Variants in ARHGAP15 observed in about 807,000 individuals in gnomAD.
ARHGAP15 encodes rho GTPase-activating protein 15.
ARHGAP15 carries 51 observed loss-of-function variants against 63.7 expected under a neutral mutation model. The ratio of observed to expected loss-of-function variants is 0.80; its 90% CI spans 0.64 to 1.01. ARHGAP15 has a LOEUF of 1.01. ARHGAP15 is among the 50% of genes least tolerant of loss of function. ARHGAP15 has a pLI of 0.00. For missense variants in ARHGAP15, 560 were observed against 564.6 expected (o/e 0.99, Z 0.08); for synonymous variants, 191 against 193.8 (o/e 0.99, Z 0.12).
At chr2:143,277,925 T>A (rs1681642095) in intron 6 of ARHGAP15, among the ~76,000 whole-genome samples, 1 of 152,206 alleles carries the variant, frequency 6.6e-6, no homozygotes, top group Admixed American at 6.5e-5. Context: ...GGGTTCATTA[T>A]CTGAATATTT....
chr2:143,205,270 A>T (rs572903697), intron 3 of ARHGAP15, among the ~76,000 whole-genome samples: 2 of 151,628 alleles, frequency 1.3e-5, no homozygotes, highest in South Asian at 4.2e-4. Flanking sequence ...AAAAAAAAAA[A>T]AAGAAACAGA....
At chr2:143,664,604 C>T (rs1162566196) in intron 12 of ARHGAP15, among the ~76,000 whole-genome samples, 6 of 151,004 alleles carry the variant, frequency 4.0e-5, no homozygotes, top group African/African-American at 1.5e-4. Flanking sequence ...ACAAAAAACC[C>T]TTCAAAAAAT....
chr2:143,466,904 A>T (rs1691241033), intron 8 of ARHGAP15, among the ~76,000 whole-genome samples: 1 of 152,134 alleles, frequency 6.6e-6, no homozygotes, highest in African/African-American at 2.4e-5. Flanking sequence ...TTCTCATCAC[A>T]TGTTCATTCC....
intron 12 of ARHGAP15, among the ~76,000 whole-genome samples, chr2:143,626,202 G>T (rs185413148): frequency 6.6e-6 from 1 of 152,188 alleles, no homozygotes. Flanking sequence ...GGGTTATGGC[G>T]AGAATGAATA....
At chr2:143,658,787 TCAAA>T (rs940209544) in intron 12 of ARHGAP15, among the ~76,000 whole-genome samples, 22 of 152,298 alleles carry the variant, frequency 1.4e-4, no homozygotes, top group African/African-American at 4.8e-4. Flanking sequence ...TTCAGGAATC[TCAAA>T]CAAACACTTC....
At chr2:143,525,059 C>T (rs1694206695) in intron 10 of ARHGAP15, among the ~76,000 whole-genome samples, 1 of 152,088 alleles carries the variant, frequency 6.6e-6, no homozygotes, top group Non-Finnish European at 1.5e-5. Context: ...AATCCAGGCC[C>T]CGAAACTGCA....
At chr2:143,751,472 T>C (rs1310047785) in intron 13 of ARHGAP15, among the ~76,000 whole-genome samples, 2 of 152,140 alleles carry the variant, frequency 1.3e-5, no homozygotes, top group African/African-American at 2.4e-5. Context: ...TCGGAGTGTG[T>C]TCTTCATGTT....
At chr2:143,191,023 C>G (rs930666533) in intron 2 of ARHGAP15, among the ~76,000 whole-genome samples, 1 of 152,220 alleles carries the variant, frequency 6.6e-6, no homozygotes, top group Non-Finnish European at 1.5e-5. Context: ...CCCGCCTGGG[C>G]CTCCCAAAGT....
chr2:143,398,933 C>T (rs1687884372), intron 6 of ARHGAP15, among the ~76,000 whole-genome samples: 1 of 152,072 alleles, frequency 6.6e-6, no homozygotes, highest in Non-Finnish European at 1.5e-5. Context: ...TAATTGGAGG[C>T]TGATTCACTG....
intron 6 of ARHGAP15, among the ~76,000 whole-genome samples, chr2:143,429,759 CAG>C (rs1303450181): frequency 1.3e-5 from 2 of 152,090 alleles, no homozygotes; most frequent in African/African-American, 2.4e-5. Flanking sequence ...TCAGAAGAAA[CAG>C]AGTAATTATA....
chr2:143,575,554 C>T (rs957892632), intron 11 of ARHGAP15, among the ~76,000 whole-genome samples: 2 of 152,052 alleles, frequency 1.3e-5, no homozygotes, highest in African/African-American at 4.8e-5. Flanking sequence ...GCTTTCTTTT[C>T]CCTACTGTAA....
chr2:143,514,730 C>T (rs4563166), intron 9 of ARHGAP15, among the ~76,000 whole-genome samples: 41,654 of 152,040 alleles, frequency 0.27, 6,365 homozygotes, highest in South Asian at 0.43. Flanking sequence ...GCAGGTCTGA[C>T]TGGACTTGTC....
chr2:143,731,719 G>A (rs1304083470), intron 13 of ARHGAP15, among the ~76,000 whole-genome samples: 1 of 152,182 alleles, frequency 6.6e-6, no homozygotes, highest in Non-Finnish European at 1.5e-5. Context: ...GTGAATTTAG[G>A]GCAAAGGCTA....
chr2:143,604,372 C>G (rs1697902181), intron 11 of ARHGAP15, among the ~76,000 whole-genome samples: 1 of 152,218 alleles, frequency 6.6e-6, no homozygotes, highest in South Asian at 2.1e-4. Flanking sequence ...CACTGTTCTT[C>G]ACGCATCTGA....
chr2:143,379,124 G>A (rs1004137823), intron 6 of ARHGAP15, among the ~76,000 whole-genome samples: 1 of 151,932 alleles, frequency 6.6e-6, no homozygotes, highest in African/African-American at 2.4e-5. Context: ...ATTAAAAGCA[G>A]AGATGATTAA....
intron 6 of ARHGAP15, among the ~76,000 whole-genome samples, chr2:143,355,548 C>A (rs377611841): frequency 1.3e-5 from 2 of 152,108 alleles, no homozygotes; most frequent in Non-Finnish European, 2.9e-5. Flanking sequence ...TATTACCAAT[C>A]AGTTAATTAC....
At chr2:143,448,363 T>C (rs922214022) in intron 8 of ARHGAP15, among the ~76,000 whole-genome samples, 2 of 152,028 alleles carry the variant, frequency 1.3e-5, no homozygotes, top group Non-Finnish European at 2.9e-5. Context: ...CAGATTTGAT[T>C]TTTAGAGTAA....
intron 12 of ARHGAP15, among the ~76,000 whole-genome samples, chr2:143,688,043 A>C (rs1683428602): frequency 6.6e-6 from 1 of 152,168 alleles, no homozygotes; most frequent in Admixed American, 6.5e-5. Context: ...TTACTCTAAC[A>C]ATAACCATGT....
intron 13 of ARHGAP15, among the ~76,000 whole-genome samples, chr2:143,711,255 C>G (rs987495816): frequency 2.0e-5 from 3 of 152,196 alleles, no homozygotes; most frequent in African/African-American, 7.2e-5. Context: ...CCTACCCTCA[C>G]GTATCTTATC....
Sources: gnomAD v4.1 joint callset for allele counts (sites outside exome capture counted in the v4.1 genomes callset) on GRCh38, gnomAD v4.1.1 for gene constraint, MANE v1.5 for transcripts, NCBI Gene and HGNC (gene_info 2026-07-23, HGNC 2026-07-21) for gene names.